SLC25A42: variants seen among roughly 807,000 people sequenced by gnomAD.
SLC25A42 encodes the protein solute carrier family 25 member 42.
Under a neutral mutation model 34.7 loss-of-function variants are expected in SLC25A42, and 19 were observed. The observed-to-expected ratio is 0.55, with a 90% CI of 0.38 to 0.80. SLC25A42 has a LOEUF of 0.80. SLC25A42 is among the 30% of genes least tolerant of loss of function. The pLI is 0.00. For synonymous variants in SLC25A42, 205 were observed against 191.2 expected, an observed-to-expected ratio of 1.07 and a Z score of -0.59; for missense variants, 364 against 441.3, an observed-to-expected ratio of 0.82 and a Z score of 1.57.
intron 3 of SLC25A42, among the ~76,000 whole-genome samples, 183 bp from the exon 4 acceptor site, chr19:19,104,726 CACGT>C (rs1228046450): frequency 6.6e-6 from 1 of 152,188 alleles, no homozygotes; most frequent in African/African-American, 2.4e-5. Flanking sequence ...CCATCTCAGA[CACGT>C]TCTCCTCTCA....
intron 1 of SLC25A42, among the ~76,000 whole-genome samples, chr19:19,087,529 C>G (rs1460578213): frequency 6.6e-6 from 1 of 152,162 alleles, no homozygotes; most frequent in Non-Finnish European, 1.5e-5. Flanking sequence ...CTCAAATGAT[C>G]CACCCACTTC....
chr19:19,096,266 C>G (rs895450745), intron 2 of SLC25A42, 61 bp downstream of exon 2: 15 of 1,336,008 alleles, frequency 1.1e-5, no homozygotes, highest in South Asian at 5.3e-5. Flanking sequence ...CCCACCCCCC[C>G]TCCCAGGCTC....
At chr19:19,101,206 G>T (rs1483611390) in intron 2 of SLC25A42, among the ~76,000 whole-genome samples, 1 of 152,184 alleles carries the variant, frequency 6.6e-6, no homozygotes, top group African/African-American at 2.4e-5. Flanking sequence ...ATGGCTCTCA[G>T]GCTGGCATGG....
chr19:19,078,579 T>C (rs1478966752), intron 1 of SLC25A42, among the ~76,000 whole-genome samples: 1 of 152,120 alleles, frequency 6.6e-6, no homozygotes, highest in Admixed American at 6.6e-5. Context: ...GCAGCGAGCA[T>C]GTACGCAGCA....
intron 1 of SLC25A42, among the ~76,000 whole-genome samples, chr19:19,082,583 C>T (rs1021623782): frequency 3.3e-5 from 5 of 151,908 alleles, no homozygotes; most frequent in African/African-American, 7.3e-5. Flanking sequence ...AGGCTGGTCT[C>T]GATGCCTGAC....
intron 2 of SLC25A42, among the ~76,000 whole-genome samples, chr19:19,096,532 G>A (rs1568518794): frequency 6.6e-6 from 1 of 152,104 alleles, no homozygotes. Flanking sequence ...AACCAGCCCA[G>A]CCACCTGGTA....
chr19:19,066,267 G>A (rs905197592), intron 1 of SLC25A42, among the ~76,000 whole-genome samples: 4 of 152,146 alleles, frequency 2.6e-5, no homozygotes, highest in Non-Finnish European at 5.9e-5. Context: ...ACCTGCTGTT[G>A]ATAATTTCTT....
chr19:19,107,287 A>C (rs1599691798), intron 6 of SLC25A42, among the ~76,000 whole-genome samples: 1 of 147,508 alleles, frequency 6.8e-6, no homozygotes, highest in South Asian at 2.1e-4. Context: ...ACTGCACTCC[A>C]GCCGGTCCAC....
intron 3 of SLC25A42, among the ~76,000 whole-genome samples, chr19:19,103,494 T>C (rs990184745): frequency 6.6e-6 from 1 of 152,198 alleles, no homozygotes; most frequent in African/African-American, 2.4e-5. Flanking sequence ...GGCCCTGCTT[T>C]CAGATAAGGT....
In SLC25A42 at chr19:19,105,663, A is replaced by G. The variant is rs960278892; in HGVS notation, c.316A>G (p.Ile106Val). Residue 106 changes from isoleucine to valine, a missense_variant, in exon 5 of 8, where the codon ATC becomes GTC. Ile to Val is a conservative substitution (Grantham distance 29). Coordinates refer to ENST00000318596, the MANE Select transcript of SLC25A42 (RefSeq NM_178526.5). ...GGTGCGCGTGGTGCCCTACGCCGCC[A>G]TCCAGTTCAGCGCACACGAGGAGTA... Reference protein sequence around the residue: ...TMVRVVPYAAIQFSAHEEYKR... With the variant: ...TMVRVVPYAAVQFSAHEEYKR... The G allele has an allele frequency of 3.7e-6, 6 of 1,613,420 alleles. No homozygotes were observed. The African/African-American group carries it at 5.3e-5, about 14-fold the overall frequency.
At chr19:19,064,909 TA>T (rs1289910793) in intron 1 of SLC25A42, among the ~76,000 whole-genome samples, 1 of 152,110 alleles carries the variant, frequency 6.6e-6, no homozygotes, top group Non-Finnish European at 1.5e-5. Context: ...TGACAGTCTA[TA>T]AAGTGATTTC....
chr19:19,110,594 C>T lies in SLC25A42; in HGVS notation c.675C>T (p.Tyr225=), dbSNP rs1380087910. 2 of 1,475,428 alleles carry T rather than the reference C, an allele frequency of 1.4e-6. No homozygotes were observed. The highest frequency in any genetic ancestry group is 2.9e-5 in the African/African-American group (2 of 69,152). The allele number at this position is 1,475,428 out of a possible 1,614,324, so 91.4% of individuals were successfully genotyped here. A position where few individuals can be genotyped will look rare whatever the true frequency, so the allele number is the denominator to read the frequency against. The change falls in exon 8 of 8, where the codon TAC becomes TAT. Residue 225 remains tyrosine, a synonymous_variant. Transcript: ENST00000318596. The stretch of plus-strand genomic sequence containing the variant: ...AGTACAGCGGCCGCCGGCAGCCCTA[C>T]CCCTTCGAGCGCATGATCTTCGGCG... The part of the protein sequence containing the change: ...HREYSGRRQP[Y]PFERMIFGAC...
At chr19:19,079,934 A>G (rs1398503735) in intron 1 of SLC25A42, among the ~76,000 whole-genome samples, 1 of 152,180 alleles carries the variant, frequency 6.6e-6, no homozygotes, top group Non-Finnish European at 1.5e-5. Context: ...CTGGGCCACA[A>G]TAGTATCTCC....
chr19:19,097,121 C>T (rs1181627775), intron 2 of SLC25A42, among the ~76,000 whole-genome samples: 1 of 152,208 alleles, frequency 6.6e-6, no homozygotes, highest in Non-Finnish European at 1.5e-5. Flanking sequence ...GCCCCTAAGT[C>T]CTCTCAGCTG....
intron 1 of SLC25A42, among the ~76,000 whole-genome samples, chr19:19,068,375 T>C (rs1161841858): frequency 9.0e-6 from 1 of 111,202 alleles, no homozygotes; most frequent in Admixed American, 9.5e-5. Context: ...AAAAAAAGTA[T>C]ATCATGTCGG....
intron 1 of SLC25A42, among the ~76,000 whole-genome samples, chr19:19,071,902 A>G (rs925261237): frequency 2.6e-5 from 4 of 151,678 alleles, no homozygotes; most frequent in African/African-American, 9.7e-5. Context: ...AAATAAAGGG[A>G]TGTTCTTTGA....
chr19:19,100,798 C>T (rs1214413144), intron 2 of SLC25A42, among the ~76,000 whole-genome samples: 1 of 152,212 alleles, frequency 6.6e-6, no homozygotes, highest in Non-Finnish European at 1.5e-5. Flanking sequence ...GGCTCCAGGC[C>T]CTTCAGGATG....
rs2059867274 is a variant in SLC25A42 at position 19,111,819 on chromosome 19, T to C, written c.*943T>C. The C allele has an allele frequency of 6.6e-6, 1 of 152,318 alleles. No homozygotes were observed. Among genetic ancestry groups the C allele is most frequent in the Non-Finnish European group, 1.5e-5 (1 of 68,106 alleles). 9.4% of individuals were successfully genotyped at this position (152,318 alleles called of 1,614,324 possible). A position where few individuals can be genotyped will look rare whatever the true frequency, so the allele number is the denominator to read the frequency against. On this transcript the variant is annotated 3_prime_UTR_variant, in exon 8 of 8. Coordinates refer to ENST00000318596, the MANE Select transcript of SLC25A42 (RefSeq NM_178526.5). ...CTTGGGTCCCCACTTGAGCAGGCAC[T>C]TGGCTGGGATATGGAGCAATTTAAA...
At chr19:19,078,412 C>T (rs1385274268) in intron 1 of SLC25A42, among the ~76,000 whole-genome samples, 21 of 152,164 alleles carry the variant, frequency 1.4e-4, no homozygotes, top group Admixed American at 1.4e-3. Flanking sequence ...GTTCTCCCTC[C>T]CTGGTGTACT....
Sources: allele counts gnomAD v4.1 joint callset (sites outside exome capture counted in the v4.1 genomes callset), GRCh38; gene constraint gnomAD v4.1.1; transcripts MANE v1.5; gene names NCBI Gene and HGNC (gene_info 2026-07-23, HGNC 2026-07-21).